The following TCERG1L variants were observed in gnomAD, a reference collection of about 807,000 sequenced individuals.
TCERG1L encodes transcription elongation regulator 1-like protein.
In TCERG1L, 37 loss-of-function variants were observed where a neutral mutation model predicts 56.3. That is an observed-to-expected ratio of 0.66 (90% CI 0.51 to 0.87). The LOEUF (loss-of-function observed/expected upper bound fraction) is 0.87, where lower values mean the gene tolerates loss of function less well. TCERG1L is among the 40% of genes least tolerant of loss of function. TCERG1L has a pLI of 0.00. For missense variants in TCERG1L, 799 were observed against 774.2 expected, an observed-to-expected ratio of 1.03 and a Z score of -0.38; for synonymous variants, 324 against 326.3, an observed-to-expected ratio of 0.99 and a Z score of 0.08.
chr10:131,285,669 A>G, intron 3 of TCERG1L, among the ~76,000 whole-genome samples: 1 of 152,242 alleles, frequency 6.6e-6, no homozygotes, highest in South Asian at 2.1e-4. Context: ...AGCATTGTGT[A>G]TATGAAAAGG....
At chr10:131,133,884 C>T (rs1211279346) in intron 8 of TCERG1L, among the ~76,000 whole-genome samples, 2 of 152,238 alleles carry the variant, frequency 1.3e-5, no homozygotes, top group East Asian at 3.8e-4. Flanking sequence ...GCATCATCTC[C>T]TCCACCTGTC....
intron 4 of TCERG1L, among the ~76,000 whole-genome samples, chr10:131,185,768 G>A (rs936440709): frequency 1.3e-5 from 2 of 151,940 alleles, no homozygotes; most frequent in African/African-American, 4.8e-5. Context: ...GAAAATGATG[G>A]CTGAATGTAA....
intron 5 of TCERG1L, chr10:131,164,258 T>C (rs1846008716): frequency 6.6e-6 from 1 of 151,918 alleles, no homozygotes; most frequent in Non-Finnish European, 1.5e-5. Context: ...CAGTATTCAT[T>C]AAGAATAAAA....
At chr10:131,155,868 C>A (rs2133423982) in intron 6 of TCERG1L, among the ~76,000 whole-genome samples, 1 of 152,324 alleles carries the variant, frequency 6.6e-6, no homozygotes, top group Middle Eastern at 3.4e-3. Context: ...CCGCCAACTC[C>A]TCCTCCCTCA....
intron 4 of TCERG1L, among the ~76,000 whole-genome samples, chr10:131,241,830 T>C (rs1845977261): frequency 6.6e-6 from 1 of 151,918 alleles, no homozygotes; most frequent in Non-Finnish European, 1.5e-5. Context: ...AATGTCTAGA[T>C]GTCATTAGAA....
Position 131,216,075 on chromosome 10 carries a change from G to A in TCERG1L, c.856+44184C>T, listed in dbSNP as rs138511334. On this transcript the variant is annotated intron_variant, in intron 4 of 11. Coordinates refer to ENST00000368642, the MANE Select transcript of TCERG1L (RefSeq NM_174937.4). ...AATGGCCTTGTCCCTGCATCAGCCT[G>A]GACATCAGAAGCAGACTGGAAGATA... Among the ~76,000 whole-genome samples, 4 of 152,292 alleles carry A rather than the reference G, an allele frequency of 2.6e-5. No homozygotes were observed. In the East Asian group the frequency reaches 7.7e-4, roughly 29 times the overall value.
intron 6 of TCERG1L, among the ~76,000 whole-genome samples, chr10:131,149,366 C>G (rs1260227839): frequency 6.6e-6 from 1 of 152,210 alleles, no homozygotes; most frequent in African/African-American, 2.4e-5. Flanking sequence ...GACCATTGTC[C>G]CCAGCAAGCC....
intron 3 of TCERG1L, among the ~76,000 whole-genome samples, chr10:131,292,954 G>A (rs188431064): frequency 1.3e-5 from 2 of 151,778 alleles, no homozygotes; most frequent in East Asian, 1.9e-4. Context: ...AGGTTGAAGC[G>A]ATTCTCCTGC....
chr10:131,166,712 C>T (rs1423461139), intron 5 of TCERG1L, 85 bp downstream of exon 5: 5 of 1,354,862 alleles, frequency 3.7e-6, no homozygotes, highest in Non-Finnish European at 5.2e-6. Context: ...CACCATACAG[C>T]AAACAAGCGT....
At chr10:131,159,827 G>A (rs1250075173) in intron 6 of TCERG1L, among the ~76,000 whole-genome samples, 1 of 152,238 alleles carries the variant, frequency 6.6e-6, no homozygotes, top group South Asian at 2.1e-4. Context: ...CTCCTTGACA[G>A]AGCACGCGGC....
intron 4 of TCERG1L, among the ~76,000 whole-genome samples, chr10:131,246,549 G>A (rs780251625): frequency 7.2e-5 from 11 of 152,114 alleles, no homozygotes; most frequent in East Asian, 1.9e-4. Flanking sequence ...GGAGAAGAAC[G>A]GCAAAAAACA....
At chr10:131,197,379 G>A (rs1589744352) in intron 4 of TCERG1L, among the ~76,000 whole-genome samples, 1 of 152,188 alleles carries the variant, frequency 6.6e-6, no homozygotes, top group South Asian at 2.1e-4. Flanking sequence ...TAGAGATGGG[G>A]TTTCACCATG....
chr10:131,230,001 T>C (rs911225243), intron 4 of TCERG1L, among the ~76,000 whole-genome samples: 13 of 151,430 alleles, frequency 8.6e-5, no homozygotes, highest in South Asian at 4.2e-4. Flanking sequence ...AGCGTTGAAA[T>C]TGCCTGAAGC....
At chr10:131,216,874 T>C (rs1291203697) in intron 4 of TCERG1L, among the ~76,000 whole-genome samples, 1 of 152,146 alleles carries the variant, frequency 6.6e-6, no homozygotes, top group Non-Finnish European at 1.5e-5. Context: ...AGAAGCTATG[T>C]CTCAAGAGAC....
Position 131,260,559 on chromosome 10 carries a change from A to AC in TCERG1L, c.671-116dup, listed in dbSNP as rs1293399254. ...CCAGAAAACAGGTGAGGGGGGCGCT[A>AC]CCCCTCTTTAATGGAGGCCCACAGT... On this transcript the variant is annotated intron_variant, in intron 3 of 11. Coordinates refer to ENST00000368642, the MANE Select transcript of TCERG1L (RefSeq NM_174937.4). This position sits in a 1 kb window ranked among gnomAD's most constrained non-coding sequence, Gnocchi z 5.8. 2 of 1,216,772 alleles carry AC rather than the reference A, an allele frequency of 1.6e-6. No individual in the cohort carries two copies. Among genetic ancestry groups the AC allele is most frequent in the African/African-American group, 3.2e-5 (2 of 63,182 alleles). 75.4% of individuals were successfully genotyped at this position (1,216,772 alleles called of 1,614,324 possible).
intron 3 of TCERG1L, among the ~76,000 whole-genome samples, chr10:131,283,216 G>A (rs1846481759): frequency 6.6e-6 from 1 of 152,212 alleles, no homozygotes; most frequent in South Asian, 2.1e-4. Flanking sequence ...AGTTGCCAAA[G>A]GCTGATCAGG....
At chr10:131,099,391 T>C (rs944163835) in intron 10 of TCERG1L, among the ~76,000 whole-genome samples, 6 of 152,210 alleles carry the variant, frequency 3.9e-5, no homozygotes, top group African/African-American at 1.4e-4. Flanking sequence ...GTTCTTTCAT[T>C]CCTAATGCTA....
Position 131,192,568 on chromosome 10 carries a change from CAT to C in TCERG1L, c.857-25685_857-25684del, listed in dbSNP as rs1407272151. Among the ~76,000 whole-genome samples the C allele has an allele frequency of 2.2e-4, 32 of 144,560 alleles. 6 individuals are homozygous for C. The highest frequency in any genetic ancestry group is 5.2e-4 in the African/African-American group (20 of 38,532). The allele number at this position is 144,560 out of a possible 152,430, so 94.8% of individuals were successfully genotyped here. A position where few individuals can be genotyped will look rare whatever the true frequency, so the allele number is the denominator to read the frequency against. The stretch of plus-strand genomic sequence containing the variant: ...ATTATATGAAAATGACACCTGCACA[CAT>C]GTTTATAACAGCACAATTCACAACT... On this transcript the variant is annotated intron_variant, in intron 4 of 11. Transcript: ENST00000368642.
chr10:131,198,789 G>C (rs1589744810), intron 4 of TCERG1L, among the ~76,000 whole-genome samples: 1 of 16 alleles, frequency 0.062, no homozygotes. Context: ...CCTGGCAGAT[G>C]GGGCCCCGAG....
Sources: gnomAD v4.1 joint callset for allele counts (sites outside exome capture counted in the v4.1 genomes callset) on GRCh38, gnomAD v4.1.1 for gene constraint, Gnocchi (gnomAD v3.1) non-coding constraint, MANE v1.5 for transcripts, NCBI Gene and HGNC (gene_info 2026-07-23, HGNC 2026-07-21) for gene names.